Variants in ZNF83 observed in about 807,000 individuals in gnomAD.
ZNF83 encodes the protein zinc finger protein 83, also known as zinc finger protein 816B.
For missense variants in ZNF83, 552 were observed against 629.9 expected (o/e 0.88, Z 1.32); for synonymous variants, 209 against 213.0 (o/e 0.98, Z 0.17).
chr19:52,640,176 G>C (rs2061281483), upstream of ZNF83, among the ~76,000 whole-genome samples: 1 of 152,150 alleles, frequency 6.6e-6, no homozygotes, highest in Admixed American at 6.5e-5. Flanking sequence ...CCTACAATCC[G>C]ACAGAAACTG....
upstream of ZNF83, among the ~76,000 whole-genome samples, chr19:52,639,415 A>ATTTTTTTTTTTTTTTTTTTTT (rs1160711365): frequency 1.2e-5 from 1 of 86,308 alleles, no homozygotes; most frequent in African/African-American, 4.9e-5. Flanking sequence ...AGTTTTTTCT[A>ATTTTTTTTTTTTTTTTTTTTT]TTTTTTTTTT....
chr19:52,623,313 T>C (rs974083090), intron 2 of ZNF83, among the ~76,000 whole-genome samples: 2 of 152,162 alleles, frequency 1.3e-5, no homozygotes, highest in Non-Finnish European at 2.9e-5. Flanking sequence ...CCATCCCCTG[T>C]TTAATTGATA....
intron 2 of ZNF83, among the ~76,000 whole-genome samples, chr19:52,658,550 G>C (rs529534216): frequency 2.0e-5 from 3 of 152,290 alleles, no homozygotes; most frequent in African/African-American, 7.2e-5. Context: ...GGGTGACAGT[G>C]TTGGGATTTA....
intron 2 of ZNF83, chr19:52,619,024 A>G: frequency 1.2e-6 from 2 of 1,607,122 alleles, no homozygotes; most frequent in Non-Finnish European, 8.5e-7. Flanking sequence ...ACTCCTCCTG[A>G]GAGAATTCTA....
At position 52,645,805 on chromosome 19, in the gene ZNF83, C is replaced by CA. The variant is rs577937471; in HGVS notation, c.-74+9755_-74+9756insT. ...GTGGGTGACTGAGTGAGATTCTGCC[C>CA]CCCCCCAAAAAAAGGATAAAGAAAG... On this transcript the variant is annotated intron_variant, in intron 3 of 5. Coordinates refer to the ZNF83 transcript ENST00000594682. Among the ~76,000 whole-genome samples, 3 of 148,594 alleles carry CA rather than the reference C, an allele frequency of 2.0e-5. No individual in the cohort carries two copies. In the East Asian group the frequency reaches 6.0e-4, roughly 30 times the overall value.
chr19:52,662,816 C>T (rs576221804), intron 1 of ZNF83, among the ~76,000 whole-genome samples: 1 of 152,096 alleles, frequency 6.6e-6, no homozygotes, highest in Admixed American at 6.5e-5. Flanking sequence ...GCGGCTCATT[C>T]CTATGTGATG....
chr19:52,653,346 T>C, intron 3 of ZNF83: 1 of 1,222,502 alleles, frequency 8.2e-7, no homozygotes, highest in South Asian at 1.2e-5. Context: ...CTCTCTGATG[T>C]TGTGCAAGGT....
In ZNF83 at chr19:52,613,264, C is replaced by G. The variant is rs773813218; in HGVS notation, c.1301G>C (p.Cys434Ser). Residue 434 changes from cysteine (C) to serine (S), a missense_variant, in exon 3 of 3, where the codon TGT becomes TCT. Coordinates refer to ENST00000301096, the Ensembl canonical transcript of ZNF83. ...TGAGTTTAGACCGAAGACCTTCCCA[C>G]ATTCATTACATTTATAAGCTTTTTC... 6 of 1,614,080 alleles carry G rather than the reference C, an allele frequency of 3.7e-6. No homozygotes were observed. The South Asian group carries it at 6.6e-5, about 18-fold the overall frequency.
At chr19:52,627,249 G>A (rs1329148014) in intron 2 of ZNF83, among the ~76,000 whole-genome samples, 2 of 152,128 alleles carry the variant, frequency 1.3e-5, no homozygotes, top group Non-Finnish European at 1.5e-5. Context: ...GCACCCAGGT[G>A]AAATAAACAG....
chr19:52,687,880 TTG>T (rs2062074005), intron 1 of ZNF83, among the ~76,000 whole-genome samples: 1 of 151,174 alleles, frequency 6.6e-6, no homozygotes, highest in Non-Finnish European at 1.5e-5. Flanking sequence ...GTGATTTTTG[TTG>T]CACTTCACTG....
chr19:52,618,266 G>GT (rs967173798), intron 2 of ZNF83, among the ~76,000 whole-genome samples: 2,458 of 141,828 alleles, frequency 0.017, 32 homozygotes, highest in African/African-American at 0.042. Context: ...TAATTTTTGT[G>GT]TTTTTTTTTT....
intron 2 of ZNF83, among the ~76,000 whole-genome samples, chr19:52,627,763 T>G (rs2060798796): frequency 6.6e-6 from 1 of 152,184 alleles, no homozygotes; most frequent in Admixed American, 6.5e-5. Context: ...CCTTCACATG[T>G]AGCCCCAAAC....
chr19:52,642,649 C>T (rs935903610), upstream of ZNF83, among the ~76,000 whole-genome samples: 2 of 152,122 alleles, frequency 1.3e-5, no homozygotes, highest in Non-Finnish European at 2.9e-5. Flanking sequence ...CTTTCACCAG[C>T]TTGTGACAGA....
exon 2 of ZNF83, chr19:52,635,087 C>T (rs550720478): frequency 4.7e-5 from 34 of 717,632 alleles, no homozygotes; most frequent in East Asian, 4.4e-4. Flanking sequence ...CCATTCCTGA[C>T]GCCTTTGCTT....
intron 1 of ZNF83, among the ~76,000 whole-genome samples, chr19:52,676,774 C>T (rs1479480127): frequency 1.4e-5 from 2 of 139,112 alleles, no homozygotes; most frequent in African/African-American, 5.6e-5. Flanking sequence ...TCATTTTGTT[C>T]TGCACTAAGA....
chr19:52,631,718 T>C (rs2060968992), intron 2 of ZNF83, among the ~76,000 whole-genome samples: 1 of 152,178 alleles, frequency 6.6e-6, no homozygotes, highest in Non-Finnish European at 1.5e-5. Flanking sequence ...CATATTTCCT[T>C]CTTTCCTGTT....
chr19:52,630,814 T>C (rs147125260), intron 2 of ZNF83, among the ~76,000 whole-genome samples: 2,787 of 152,114 alleles, frequency 0.018, 79 homozygotes, highest in African/African-American at 0.061. Flanking sequence ...CACTCGCCTG[T>C]TACAGCATGG....
In ZNF83 at chr19:52,655,316, A is replaced by C. The variant is rs1467074345; in HGVS notation, c.-74+245T>G. On this transcript the variant is annotated intron_variant, in intron 3 of 5. Transcript: ENST00000594682. ...GGCTACCAGGGGCATCTCTGCTTAG[A>C]GCAGGATGACGTTCAATTCTATTAG... 8 of 383,904 alleles carry C rather than the reference A, an allele frequency of 2.1e-5. 1 individual carries two copies. In the South Asian group the frequency reaches 3.2e-4, roughly 15 times the overall value. The allele number at this position is 383,904 out of a possible 1,614,324, so 23.8% of individuals were successfully genotyped here.
At chr19:52,612,584 G>C (rs1033439716) in exon 3 of ZNF83, 1 of 166,420 alleles carries the variant, frequency 6.0e-6, no homozygotes, top group South Asian at 1.7e-4. Context: ...TGAGACTTTG[G>C]CCTGCGGAAA....
Sources: allele counts gnomAD v4.1 joint callset (sites outside exome capture counted in the v4.1 genomes callset), GRCh38; gene constraint gnomAD v4.1.1; transcripts MANE v1.5; gene names NCBI Gene and HGNC (gene_info 2026-07-23, HGNC 2026-07-21).